KSR1: variants seen among roughly 807,000 people sequenced by gnomAD.
KSR1 encodes the protein kinase suppressor of ras 1, also known as kinase suppressor of ras.
A neutral mutation model predicts 92.9 loss-of-function variants in KSR1; 35 were observed. The ratio of observed to expected loss-of-function variants is 0.38; its 90% CI spans 0.29 to 0.50. The LOEUF (loss-of-function observed/expected upper bound fraction) is 0.50. Among genes scored for constraint, KSR1 ranks in the 20% least tolerant of loss-of-function variants. The pLI is 0.94. For missense variants in KSR1, 972 were observed against 1,158.5 expected (o/e 0.84, Z 2.34); for synonymous variants, 467 against 472.6 (o/e 0.99, Z 0.15).
intron 1 of KSR1, among the ~76,000 whole-genome samples, chr17:27,532,018 A>C (rs2151044887): frequency 6.6e-6 from 1 of 152,126 alleles, no homozygotes; most frequent in East Asian, 1.9e-4. Flanking sequence ...CCGTCCTGGC[A>C]CTGCCTTCTA....
At chr17:27,520,517 A>G (rs577444024) in intron 1 of KSR1, among the ~76,000 whole-genome samples, 1 of 152,396 alleles carries the variant, frequency 6.6e-6, no homozygotes, top group Admixed American at 6.5e-5. Flanking sequence ...TTGTGTCCCC[A>G]AGGCATTTGT....
chr17:27,623,012 C>T (rs2074267252), intron 20 of KSR1: 2 of 439,008 alleles, frequency 4.6e-6, no homozygotes, highest in South Asian at 2.5e-5. Flanking sequence ...CAAGAGCTTT[C>T]CTGGGCTGCA....
chr17:27,482,245 CAAA>C (rs1042796483), intron 1 of KSR1, among the ~76,000 whole-genome samples: 6 of 145,664 alleles, frequency 4.1e-5, no homozygotes, highest in Middle Eastern at 7.0e-3. Context: ...GACAACATAG[CAAA>C]AAAAAAAATT....
At position 27,582,711 on chromosome 17, in the gene KSR1, C is replaced by T. The variant is rs2072811822; in HGVS notation, c.586C>T (p.Pro196Ser). Reference sequence around the variant, plus strand: ...TGCGCGGCGGGAAAGTGGCTCAGGGCCTTCCACGGACACCCTCTCAGCAGC... The same window carrying T: ...TGCGCGGCGGGAAAGTGGCTCAGGGTCTTCCACGGACACCCTCTCAGCAGC... Reference protein sequence around the residue: ...LDARRESGSGPSTDTLSAASL... With the variant: ...LDARRESGSGSSTDTLSAASL... Residue 196 changes from proline (P) to serine (S), a missense_variant, in exon 4 of 21, where the codon CCT becomes TCT. Coordinates refer to ENST00000644974, the MANE Select transcript of KSR1 (RefSeq NM_001394583.1). 1 of 1,613,816 alleles carries T rather than the reference C, an allele frequency of 6.2e-7. No homozygotes were observed. The highest frequency in any genetic ancestry group is 8.5e-7 in the Non-Finnish European group (1 of 1,179,824).
chr17:27,614,314 T>C (rs1318673651), intron 18 of KSR1, among the ~76,000 whole-genome samples: 1 of 152,276 alleles, frequency 6.6e-6, no homozygotes, highest in East Asian at 1.9e-4. Flanking sequence ...AGTTTTAACC[T>C]CTCTTTACAA....
chr17:27,533,621 G>A (rs2070635195), intron 1 of KSR1, among the ~76,000 whole-genome samples: 1 of 152,046 alleles, frequency 6.6e-6, no homozygotes, highest in Non-Finnish European at 1.5e-5. Context: ...TGACCTTGTG[G>A]TCTGCCCGCC....
chr17:27,536,201 G>C (rs1466698462), intron 1 of KSR1, among the ~76,000 whole-genome samples: 3 of 152,196 alleles, frequency 2.0e-5, no homozygotes, highest in African/African-American at 4.8e-5. Context: ...CCAGCCGAAG[G>C]GCCCCTCCCC....
intron 1 of KSR1, among the ~76,000 whole-genome samples, chr17:27,539,453 T>C (rs2070876984): frequency 6.6e-6 from 1 of 152,174 alleles, no homozygotes; most frequent in African/African-American, 2.4e-5. Context: ...GTCTGTTGCT[T>C]TGCCTTTCCT....
rs16966194 is a variant in KSR1 at position 27,540,303 on chromosome 17, C to T, written c.232-10265C>T. Among the ~76,000 whole-genome samples the T allele has an allele frequency of 9.0e-3, 1,364 of 152,324 alleles. 7 individuals carry two copies. Among genetic ancestry groups the T allele is most frequent in the Non-Finnish European group, 0.013 (871 of 68,030 alleles). On this transcript the variant is annotated intron_variant, in intron 1 of 20. Transcript: ENST00000644974. ...GTTTTGTCTCAGCCTGGGGTTGAAT[C>T]TCCCATCTACAGTCTGTTGTCAGGT...
chr17:27,533,798 A>G (rs758022122), intron 1 of KSR1, among the ~76,000 whole-genome samples: 1 of 152,244 alleles, frequency 6.6e-6, no homozygotes, highest in Non-Finnish European at 1.5e-5. Context: ...TGTCTAGCGC[A>G]TAATAGTCAC....
In KSR1 at chr17:27,617,410, A is replaced by T. The variant is rs759688613; in HGVS notation, c.2609A>T (p.His870Leu). 1 of 1,610,836 alleles carries T rather than the reference A, an allele frequency of 6.2e-7. No individual in the cohort carries two copies. Among genetic ancestry groups the T allele is most frequent in the Non-Finnish European group, 8.5e-7 (1 of 1,177,598 alleles). Residue 870 changes from histidine to leucine, a missense_variant, in exon 19 of 21, where the codon CAC (histidine) becomes CTC (leucine). His to Leu is a moderately conservative substitution (Grantham distance 99). Transcript: ENST00000644974. ...KLNRRLSHPG[H>L]FWKSADRWRS... ...AACCGGCGGCTCTCCCACCCTGGACACTTCTGGAAGTCAGCTGAGTAAGTG... is the reference window on the plus strand; with the variant it reads ...AACCGGCGGCTCTCCCACCCTGGACTCTTCTGGAAGTCAGCTGAGTAAGTG...
At chr17:27,484,257 G>A (rs1199178105) in intron 1 of KSR1, among the ~76,000 whole-genome samples, 4 of 152,148 alleles carry the variant, frequency 2.6e-5, no homozygotes, top group Admixed American at 2.6e-4. Flanking sequence ...TTAGAGACAG[G>A]TTCTCGCTCT....
At chr17:27,501,292 CTTTTTTTTTTT>C in intron 1 of KSR1, among the ~76,000 whole-genome samples, 232 of 49,722 alleles carry the variant, frequency 4.7e-3, no homozygotes, top group African/African-American at 0.018. Context: ...TTCTTTTCTT[CTTTTTTTTTTT>C]TTTTTTTTTT....
chr17:27,569,627 A>C (rs2072227696), intron 2 of KSR1, among the ~76,000 whole-genome samples: 2 of 152,264 alleles, frequency 1.3e-5, no homozygotes, highest in South Asian at 4.1e-4. Flanking sequence ...AAACAACAGA[A>C]TATTTCGTGA....
At chr17:27,465,500 CT>C (rs2019652123) in intron 1 of KSR1, 3 of 152,064 alleles carry the variant, frequency 2.0e-5, no homozygotes, top group East Asian at 3.9e-4. Context: ...GGGCGACATA[CT>C]GAGACTCTGT....
chr17:27,585,945 CCCTT>C, intron 5 of KSR1: 2 of 459,634 alleles, frequency 4.4e-6, no homozygotes, highest in Non-Finnish European at 7.9e-6. Flanking sequence ...CTCCACCTTG[CCCTT>C]CCCCACCGAG....
intron 10 of KSR1, 92 bp downstream of exon 10, chr17:27,597,528 T>G (rs1271528744): frequency 4.6e-6 from 6 of 1,312,508 alleles, no homozygotes; most frequent in Non-Finnish European, 6.2e-6. Flanking sequence ...AGGTCAGACA[T>G]GGCCACAGCT....
chr17:27,542,064 A>G (rs1438533345), intron 1 of KSR1, among the ~76,000 whole-genome samples: 1 of 152,188 alleles, frequency 6.6e-6, no homozygotes, highest in African/African-American at 2.4e-5. Context: ...TGTGGAGGGA[A>G]TGATGTGCTT....
At chr17:27,583,749 T>C (rs1408153281) in intron 4 of KSR1, among the ~76,000 whole-genome samples, 4 of 152,280 alleles carry the variant, frequency 2.6e-5, no homozygotes, top group Non-Finnish European at 5.9e-5. Context: ...ATCATGTCAG[T>C]ACATCTTGGA....
Sources: allele counts gnomAD v4.1 joint callset (sites outside exome capture counted in the v4.1 genomes callset), GRCh38; gene constraint gnomAD v4.1.1; transcripts MANE v1.5; gene names NCBI Gene and HGNC (gene_info 2026-07-23, HGNC 2026-07-21).